The following ADGRB3 variants were observed in gnomAD, a reference collection of about 807,000 sequenced individuals.
ADGRB3 encodes brain-specific angiogenesis inhibitor 3.
ADGRB3 carries 37 observed loss-of-function variants against 193.4 expected under a neutral mutation model. The observed-to-expected ratio is 0.19, with a 90% CI of 0.15 to 0.25. The LOEUF is 0.25. Ranked by LOEUF, ADGRB3 falls within the 10% of genes least tolerant of loss-of-function variation. ADGRB3 has a pLI of 1.00. For synonymous variants in ADGRB3, 690 were observed against 644.2 expected (o/e 1.07, Z -1.08); for missense variants, 1,637 against 1,852.9 (o/e 0.88, Z 2.14).
intron 17 of ADGRB3, among the ~76,000 whole-genome samples, chr6:69,142,511 C>A (rs1774367425): frequency 6.6e-6 from 1 of 152,154 alleles, no homozygotes. Flanking sequence ...CTAACAGGTG[C>A]AGAATACATC....
At chr6:68,980,961 C>T (rs558027636) in intron 10 of ADGRB3, among the ~76,000 whole-genome samples, 3 of 151,448 alleles carry the variant, frequency 2.0e-5, no homozygotes, top group South Asian at 2.1e-4. Context: ...GTTACCAGAC[C>T]GTAGTACACA....
chr6:68,884,456 G>A (rs1765844698), intron 3 of ADGRB3, among the ~76,000 whole-genome samples: 1 of 152,118 alleles, frequency 6.6e-6, no homozygotes, highest in South Asian at 2.1e-4. Context: ...AGAGCTTTAG[G>A]CTGAAACCCG....
At chr6:68,682,529 A>G (rs949647116) in intron 3 of ADGRB3, among the ~76,000 whole-genome samples, 7 of 152,216 alleles carry the variant, frequency 4.6e-5, no homozygotes, top group East Asian at 1.9e-4. Context: ...ATCTTACCAT[A>G]TATCAAATTA....
chr6:69,166,555 A>G (rs540977483), intron 17 of ADGRB3, among the ~76,000 whole-genome samples: 6 of 152,262 alleles, frequency 3.9e-5, no homozygotes, highest in South Asian at 2.1e-4. Context: ...TGCCAAAGCT[A>G]TATAAAAAGC....
intron 3 of ADGRB3, among the ~76,000 whole-genome samples, chr6:68,881,667 A>C (rs1385925029): frequency 6.6e-6 from 1 of 152,176 alleles, no homozygotes; most frequent in Non-Finnish European, 1.5e-5. Flanking sequence ...CTGACACCAG[A>C]AATCATAGCC....
chr6:69,131,512 G>T (rs898614881), intron 17 of ADGRB3, among the ~76,000 whole-genome samples: 1 of 151,646 alleles, frequency 6.6e-6, no homozygotes, highest in African/African-American at 2.4e-5. Context: ...CGAAAATGGG[G>T]GATACAACAG....
intron 11 of ADGRB3, among the ~76,000 whole-genome samples, chr6:68,998,240 A>T (rs1769450034): frequency 6.6e-6 from 1 of 152,196 alleles, no homozygotes; most frequent in South Asian, 2.1e-4. Context: ...GAGCCACTGC[A>T]GTTTAAGTTC....
chr6:69,246,776 G>A (rs1766506119), intron 20 of ADGRB3, among the ~76,000 whole-genome samples: 1 of 152,220 alleles, frequency 6.6e-6, no homozygotes, highest in African/African-American at 2.4e-5. Context: ...GGACAAGGAA[G>A]CAGTTTGGAC....
chr6:69,171,646 G>T (rs1170039848), intron 17 of ADGRB3, among the ~76,000 whole-genome samples: 1 of 152,092 alleles, frequency 6.6e-6, no homozygotes, highest in Non-Finnish European at 1.5e-5. Context: ...TCCCTATTTA[G>T]GAAACAACCT....
intron 3 of ADGRB3, among the ~76,000 whole-genome samples, chr6:68,803,360 A>AT (rs1767346657): frequency 6.6e-6 from 1 of 151,730 alleles, no homozygotes. Flanking sequence ...AAATCTCACC[A>AT]TTTTTTTCAA....
chr6:69,031,831 C>T (rs1055638267), intron 13 of ADGRB3, among the ~76,000 whole-genome samples: 14 of 151,694 alleles, frequency 9.2e-5, no homozygotes, highest in Non-Finnish European at 4.4e-5. Flanking sequence ...GACTGGGTTG[C>T]CATGTTGCCC....
chr6:69,286,024 T>C (rs1767544805), intron 20 of ADGRB3, among the ~76,000 whole-genome samples: 1 of 152,114 alleles, frequency 6.6e-6, no homozygotes, highest in African/African-American at 2.4e-5. Flanking sequence ...GGTTTGTCAC[T>C]TTTGAAACTT....
chr6:69,234,361 T>G (rs2127257842), intron 18 of ADGRB3, among the ~76,000 whole-genome samples: 1 of 152,208 alleles, frequency 6.6e-6, no homozygotes, highest in Non-Finnish European at 1.5e-5. Flanking sequence ...TTTTTCAAGG[T>G]CATGCATTTA....
chr6:68,728,587 C>T (rs1329261695), intron 3 of ADGRB3, among the ~76,000 whole-genome samples: 2 of 151,464 alleles, frequency 1.3e-5, no homozygotes, highest in Non-Finnish European at 1.5e-5. Flanking sequence ...CAAACACACA[C>T]ACGTAATATG....
intron 20 of ADGRB3, among the ~76,000 whole-genome samples, chr6:69,241,820 A>G (rs1008401514): frequency 6.6e-6 from 1 of 151,876 alleles, no homozygotes; most frequent in African/African-American, 2.4e-5. Flanking sequence ...TTTTGCTACT[A>G]TAGTTATTGA....
intron 17 of ADGRB3, among the ~76,000 whole-genome samples, chr6:69,136,634 AT>A (rs3839467): frequency 0.64 from 96,852 of 151,354 alleles, 32,168 homozygotes; most frequent in East Asian, 0.95. Context: ...TCAACCCACC[AT>A]TTTTTTTTCT....
intron 11 of ADGRB3, among the ~76,000 whole-genome samples, chr6:68,997,943 A>G (rs1769438474): frequency 6.6e-6 from 1 of 152,150 alleles, no homozygotes; most frequent in Non-Finnish European, 1.5e-5. Context: ...ATAGTAATTC[A>G]GAATGTGAGA....
At chr6:68,718,711 A>G (rs1172836827) in intron 3 of ADGRB3, among the ~76,000 whole-genome samples, 1 of 151,786 alleles carries the variant, frequency 6.6e-6, no homozygotes, top group African/African-American at 2.4e-5. Flanking sequence ...CACGTACAGC[A>G]TTTATCACAG....
At chr6:68,761,128 C>T (rs924110857) in intron 3 of ADGRB3, among the ~76,000 whole-genome samples, 2 of 152,092 alleles carry the variant, frequency 1.3e-5, no homozygotes, top group Admixed American at 6.6e-5. Context: ...CAGCTGCTGA[C>T]GGTAGTAAAC....
Sources: gnomAD v4.1 joint callset for allele counts (sites outside exome capture counted in the v4.1 genomes callset) on GRCh38, gnomAD v4.1.1 for gene constraint, MANE v1.5 for transcripts, NCBI Gene and HGNC (gene_info 2026-07-23, HGNC 2026-07-21) for gene names.